ZDHHC15: variants seen among roughly 807,000 people sequenced by gnomAD.
ZDHHC15 encodes the protein palmitoyltransferase ZDHHC15.
In ZDHHC15, 19 loss-of-function variants were observed where a neutral mutation model predicts 31.7. That is an observed-to-expected ratio of 0.60 (90% CI 0.42 to 0.88). The LOEUF is 0.88. Among genes scored for constraint, ZDHHC15 ranks in the 40% least tolerant of loss-of-function variants. ZDHHC15 has a pLI of 0.00. For missense variants in ZDHHC15, 209 were observed against 251.2 expected, an observed-to-expected ratio of 0.83 and a Z score of 1.14; for synonymous variants, 103 against 90.0, an observed-to-expected ratio of 1.14 and a Z score of -0.82.
At chrX:75,491,891 C>G (rs1014705831) in intron 2 of ZDHHC15, among the ~76,000 whole-genome samples, 2 of 111,362 alleles carry the variant, frequency 1.8e-5, no homozygotes, top group South Asian at 3.8e-4. Context: ...AATTAACGAG[C>G]AAAATAACCA....
chrX:75,503,677 T>C (rs2085118903), intron 2 of ZDHHC15, among the ~76,000 whole-genome samples: 1 of 111,467 alleles, frequency 9.0e-6, no homozygotes. Flanking sequence ...TTGCTACTGA[T>C]ATAATGCTTT....
intron 4 of ZDHHC15, among the ~76,000 whole-genome samples, chrX:75,440,059 C>G (rs1385359845): frequency 9.0e-6 from 1 of 111,447 alleles, no homozygotes; most frequent in Non-Finnish European, 1.9e-5. Flanking sequence ...AGCACCTGCT[C>G]CAGTGGAGGT....
At chrX:75,430,090 C>T (rs2083761823) in intron 5 of ZDHHC15, 110 bp from the exon 6 acceptor site, 4 of 831,695 alleles carry the variant, frequency 4.8e-6, no homozygotes, top group South Asian at 5.5e-5. Flanking sequence ...CTAATAACAC[C>T]CATTCTCAGA....
At chrX:75,383,886 C>T (rs1193618949) in intron 10 of ZDHHC15, among the ~76,000 whole-genome samples, 1 of 103,241 alleles carries the variant, frequency 9.7e-6, no homozygotes, top group Admixed American at 1.1e-4. Flanking sequence ...CTACAGGCAT[C>T]CCCCACCACA....
At chrX:75,389,799 G>A (rs1261121817) in intron 10 of ZDHHC15, among the ~76,000 whole-genome samples, 1 of 111,496 alleles carries the variant, frequency 9.0e-6, no homozygotes, top group African/African-American at 3.3e-5. Context: ...TGGTGACGAT[G>A]AGCAGAGACT....
At chrX:75,392,573 GATA>G (rs1164048629) in intron 10 of ZDHHC15, among the ~76,000 whole-genome samples, 3 of 111,850 alleles carry the variant, frequency 2.7e-5, no homozygotes, top group Non-Finnish European at 5.6e-5. Context: ...AAATATAGAT[GATA>G]ATAAGGTCAT....
chrX:75,521,463 AC>A (rs1435088367), intron 1 of ZDHHC15, among the ~76,000 whole-genome samples: 2 of 110,648 alleles, frequency 1.8e-5, no homozygotes, highest in Non-Finnish European at 3.8e-5. Context: ...AGAATGGGGA[AC>A]GGGGGGAATT....
intron 2 of ZDHHC15, among the ~76,000 whole-genome samples, chrX:75,489,134 C>A (rs1396232641): frequency 1.8e-5 from 2 of 112,059 alleles, no homozygotes; most frequent in Non-Finnish European, 3.8e-5. Context: ...TCAAGGAGGC[C>A]TGCCTGCCTC....
intron 1 of ZDHHC15, among the ~76,000 whole-genome samples, chrX:75,515,632 G>A (rs184712717): frequency 8.2e-4 from 91 of 111,599 alleles, no homozygotes; most frequent in Middle Eastern, 9.4e-3. Flanking sequence ...ATATCCTACC[G>A]AATGGGCAAA....
intron 2 of ZDHHC15, among the ~76,000 whole-genome samples, chrX:75,485,596 T>C (rs761441802): frequency 2.2e-4 from 25 of 111,231 alleles, no homozygotes; most frequent in Non-Finnish European, 4.7e-4. Flanking sequence ...CAAAGGAGGA[T>C]GGGAGGTCCA....
At chrX:75,465,248 G>A (rs1034583790) in intron 3 of ZDHHC15, among the ~76,000 whole-genome samples, 1 of 111,685 alleles carries the variant, frequency 9.0e-6, no homozygotes, top group African/African-American at 3.3e-5. Context: ...CAGCTAACAA[G>A]AGAAGTGAAA....
intron 2 of ZDHHC15, among the ~76,000 whole-genome samples, chrX:75,491,393 G>A (rs181987990): frequency 0.018 from 1,807 of 101,990 alleles, 53 homozygotes; most frequent in African/African-American, 0.061. Context: ...ACCAAACACC[G>A]CATATTCTCA....
At position 75,446,002 on chromosome X, in the gene ZDHHC15, A is replaced by G. The variant is rs780689998; in HGVS notation, c.379+4800T>C. Among the ~76,000 whole-genome samples, 111 of 111,068 alleles carry G rather than the reference A, an allele frequency of 1.0e-3. 1 individual carries two copies. Among genetic ancestry groups the G allele is most frequent in the Non-Finnish European group, 1.7e-3 (88 of 53,030 alleles). ...TCCCTCTTTGCTTCTAAGGCCTATAATAAGAATCAAGTCCTAACAGATCCC... is the reference window on the plus strand; with the variant it reads ...TCCCTCTTTGCTTCTAAGGCCTATAGTAAGAATCAAGTCCTAACAGATCCC... On this transcript the variant is annotated intron_variant, in intron 4 of 11. Transcript: ENST00000373367.
Position 75,440,446 on chromosome X carries a change from A to AT in ZDHHC15, c.380-8927dup, listed in dbSNP as rs767627926. ...AGGCGCCCACCACCATGCCCAGCTA[A>AT]TTTTTTGTATTTTTAGTAGAGACAG... On this transcript the variant is annotated intron_variant, in intron 4 of 11. Transcript: ENST00000373367. 4.3e-3 allele frequency among the ~76,000 whole-genome samples: 477 copies of AT among 110,529 alleles called. 2 individuals carry two copies. The highest frequency in any genetic ancestry group is 0.014 in the African/African-American group (435 of 30,342).
At chrX:75,494,641 C>A (rs761139028) in intron 2 of ZDHHC15, among the ~76,000 whole-genome samples, 5 of 111,973 alleles carry the variant, frequency 4.5e-5, no homozygotes, top group Admixed American at 2.8e-4. Context: ...TATCTACAAC[C>A]ATCTGATCTT....
chrX:75,503,349 C>A (rs2085114691), intron 2 of ZDHHC15, among the ~76,000 whole-genome samples: 1 of 110,841 alleles, frequency 9.0e-6, no homozygotes, highest in African/African-American at 3.3e-5. Context: ...AATCTATTCA[C>A]AAAAGTAGTC....
chrX:75,521,368 G>T (rs913941511), intron 1 of ZDHHC15, among the ~76,000 whole-genome samples: 4 of 111,057 alleles, frequency 3.6e-5, no homozygotes, highest in African/African-American at 1.3e-4. Context: ...TGTGAGAAAA[G>T]CAGGGACCCT....
rs1336673107 is a variant in ZDHHC15 at position 75,450,841 on chromosome X, C to T, written c.340G>A (p.Ala114Thr). ...CTTGTGTAAACCGGTAGCTTTTTGG[C>T]CATATCAACAAGCATCTGCTTCTGG... ...EVQKQMLVDM[A>T]KKLPVYTRTG... Residue 114 changes from alanine (A) to threonine (T), a missense_variant, in exon 4 of 12, where the codon GCC (alanine) becomes ACC (threonine). Physicochemically the swap from Ala to Thr is moderately conservative, Grantham distance 58. Transcript: ENST00000373367. 2.5e-6 allele frequency: 3 copies of T among 1,208,851 alleles called. No homozygotes were observed. Among genetic ancestry groups the T allele is most frequent in the Admixed American group, 2.2e-5 (1 of 45,491 alleles).
intron 2 of ZDHHC15, among the ~76,000 whole-genome samples, chrX:75,495,614 A>C (rs1002577567): frequency 5.4e-5 from 6 of 110,808 alleles, no homozygotes; most frequent in Admixed American, 9.7e-5. Context: ...AAAAATGATG[A>C]GTTCATGTCC....
Sources: gnomAD v4.1 joint callset for allele counts (sites outside exome capture counted in the v4.1 genomes callset) on GRCh38, gnomAD v4.1.1 for gene constraint, MANE v1.5 for transcripts, NCBI Gene and HGNC (gene_info 2026-07-23, HGNC 2026-07-21) for gene names.